SMC1A: variants seen among roughly 807,000 people sequenced by gnomAD.
The protein encoded by SMC1A is structural maintenance of chromosomes 1A.
A neutral mutation model predicts 94.5 loss-of-function variants in SMC1A; 4 were observed. The ratio of observed to expected loss-of-function variants is 0.04; its 90% CI spans 0.02 to 0.10. The LOEUF is 0.10. SMC1A is among the 10% of genes least tolerant of loss of function. The pLI is 1.00. For synonymous variants in SMC1A, 345 were observed against 347.7 expected (o/e 0.99, Z 0.09); for missense variants, 304 against 989.0 (o/e 0.31, Z 9.29).
At chrX:53,411,736 C>T in intron 7 of SMC1A, 25 bp downstream of exon 7, 1 of 1,205,090 alleles carries the variant, frequency 8.3e-7, no homozygotes, top group East Asian at 3.0e-5. Flanking sequence ...GGACCATCAT[C>T]CCTAATCTTA....
Position 53,405,963 on chromosome X carries a change from A to G in SMC1A, c.1546-7T>C. ...GGTCAATGAGGCGGCCGTACTGAGTAAAGTAGGAAGGGAAAACTGAAGTAT... is the reference window on the plus strand; with the variant it reads ...GGTCAATGAGGCGGCCGTACTGAGTGAAGTAGGAAGGGAAAACTGAAGTAT... On this transcript the variant is annotated splice_polypyrimidine_tract_variant and splice_region_variant and intron_variant, in intron 9 of 24. Transcript: ENST00000322213. 3 of 1,207,833 alleles carry G rather than the reference A, an allele frequency of 2.5e-6. No homozygotes were observed. In the East Asian group the frequency reaches 8.9e-5, roughly 36 times the overall value.
intron 15 of SMC1A, 32 bp from the exon 16 acceptor site, chrX:53,399,762 T>C: frequency 8.4e-7 from 1 of 1,186,438 alleles, no homozygotes; most frequent in Non-Finnish European, 1.1e-6. Flanking sequence ...GAATCACTCA[T>C]AATCTCATCA....
chrX:53,388,272 C>G (rs1427945484), intron 19 of SMC1A, among the ~76,000 whole-genome samples: 1 of 111,254 alleles, frequency 9.0e-6, no homozygotes, highest in Non-Finnish European at 1.9e-5. Flanking sequence ...ATCCGGTTGC[C>G]AGTAGCCACA....
intron 8 of SMC1A, 21 bp downstream of exon 8, chrX:53,409,400 G>A (rs1418099729): frequency 3.0e-5 from 35 of 1,175,565 alleles, no homozygotes; most frequent in Non-Finnish European, 3.6e-5. Context: ...AAGTAAGGGG[G>A]ACAGATGCAG....
In SMC1A at chrX:53,411,869, G is replaced by C; in HGVS notation, c.1146C>G (p.Ala382=). Residue 382 remains alanine, a synonymous_variant, in exon 7 of 25, where the codon GCC becomes GCG. Transcript: ENST00000322213. ...GGGCCAGGGTAGCTGCTCTCTTGCT[G>C]GCTTCTTCTTTCAACCGGTGGTATT... ...VKKYHRLKEE[A]SKRAATLAQE... is the part of the protein sequence containing the mutation. 1 of 1,211,523 alleles carries C rather than the reference G, an allele frequency of 8.3e-7. No individual in the cohort carries two copies. Among genetic ancestry groups the C allele is most frequent in the South Asian group, 1.8e-5 (1 of 56,972 alleles).
chrX:53,421,558 T>C (rs1282540447), intron 1 of SMC1A, among the ~76,000 whole-genome samples: 1 of 111,704 alleles, frequency 9.0e-6, no homozygotes, highest in Non-Finnish European at 1.9e-5. Context: ...ATCCACGGTG[T>C]ATCGTTTAGA....
chrX:53,380,965 C>T, intron 23 of SMC1A, 53 bp downstream of exon 23: 1 of 1,077,082 alleles, frequency 9.3e-7, no homozygotes, highest in Non-Finnish European at 1.3e-6. Context: ...CTCCCTGAAA[C>T]CCAACCCCGA....
rs782064451 is a variant in SMC1A, at chrX:53,421,880, G to A, written c.109+612C>T. The stretch of plus-strand genomic sequence containing the variant: ...GGTTTCGGTGGTAGGAAAAGGGCGA[G>A]TTCGAGGCAACTACCTCTGACATAG... On this transcript the variant is annotated intron_variant, in intron 1 of 24. Transcript: ENST00000322213. 25 of 1,154,350 alleles carry A rather than the reference G, an allele frequency of 2.2e-5. No homozygotes were observed. The South Asian group carries it at 4.3e-4, about 20-fold the overall frequency.
intron 9 of SMC1A, among the ~76,000 whole-genome samples, chrX:53,408,286 G>T (rs1253855304): frequency 1.8e-5 from 2 of 111,726 alleles, no homozygotes; most frequent in African/African-American, 6.5e-5. Flanking sequence ...AGCCGAGGTT[G>T]TGCCACTGCA....
At position 53,405,598 on chromosome X, in the gene SMC1A, T is replaced by A; in HGVS notation, c.1806A>T (p.Pro602=). ...ACTGCAGGGCCTTTTTGATATGAGGTGGCTCATAGCGAATCACATCAATCA... is the reference window on the plus strand; with the variant it reads ...ACTGCAGGGCCTTTTTGATATGAGGAGGCTCATAGCGAATCACATCAATCA... The part of the protein sequence containing the change: ...KLVIDVIRYE[P]PHIKKALQYA... The change falls in exon 11 of 25, where the codon CCA becomes CCT. Residue 602 remains proline, a synonymous_variant. Transcript: ENST00000322213. 1 of 1,210,930 alleles carries A rather than the reference T, an allele frequency of 8.3e-7. No individual in the cohort carries two copies. Among genetic ancestry groups the A allele is most frequent in the African/African-American group, 1.7e-5 (1 of 57,769 alleles).
intron 19 of SMC1A, among the ~76,000 whole-genome samples, chrX:53,390,449 C>G (rs1334242389): frequency 9.3e-6 from 1 of 107,167 alleles, no homozygotes; most frequent in African/African-American, 3.4e-5. Context: ...GCTTGTGCCA[C>G]TGCACACCAG....
intron 19 of SMC1A, among the ~76,000 whole-genome samples, chrX:53,392,206 C>T (rs781997736): frequency 5.4e-4 from 59 of 109,467 alleles, no homozygotes; most frequent in African/African-American, 8.6e-4. Context: ...CTGAATAACA[C>T]GGTGAAACCC....
Position 53,374,673 on chromosome X carries a change from C to T in SMC1A, c.*5430G>A, listed in dbSNP as rs1361512283. The T allele has an allele frequency of 1.8e-5, 2 of 112,158 alleles. No homozygotes were observed. Among genetic ancestry groups the T allele is most frequent in the African/African-American group, 6.5e-5 (2 of 30,703 alleles). 9.2% of individuals were successfully genotyped at this position (112,158 alleles called of 1,213,427 possible). A position where few individuals can be genotyped will look rare whatever the true frequency, so the allele number is the denominator to read the frequency against. Reference sequence around the variant, plus strand: ...GTTTTGTCTCACGGTTTCTGTTCCTCGTGGCTCCTATTGCTTCATGGCTTC... The same window carrying T: ...GTTTTGTCTCACGGTTTCTGTTCCTTGTGGCTCCTATTGCTTCATGGCTTC... On this transcript the variant is annotated 3_prime_UTR_variant, in exon 25 of 25. Transcript: ENST00000322213.
Position 53,405,084 on chromosome X carries a change from C to T in SMC1A, c.2124G>A (p.Leu708=), listed in dbSNP as rs1309209851. 3.3e-6 allele frequency: 4 copies of T among 1,206,333 alleles called. No individual in the cohort carries two copies. Among genetic ancestry groups the T allele is most frequent in the Non-Finnish European group, 4.5e-6 (4 of 893,183 alleles). ...LRQVQSQAHG[L]QMRLKYSQSD... Reference sequence around the variant, plus strand: ...TCTGGGAGTACTTGAGCCGCATCTGCAGTCCATGGGCCTGAGACTGCACCT... The same window carrying T: ...TCTGGGAGTACTTGAGCCGCATCTGTAGTCCATGGGCCTGAGACTGCACCT... Residue 708 remains leucine, a synonymous_variant, in exon 13 of 25, where the codon CTG becomes CTA. Coordinates refer to ENST00000322213, the MANE Select transcript of SMC1A (RefSeq NM_006306.4).
At chrX:53,392,071 A>G (rs1224690995) in intron 19 of SMC1A, among the ~76,000 whole-genome samples, 2 of 111,314 alleles carry the variant, frequency 1.8e-5, no homozygotes, top group Non-Finnish European at 3.8e-5. Flanking sequence ...AAAAATAGTA[A>G]TACCACTATT....
Position 53,399,646 on chromosome X carries a change from T to C in SMC1A, c.2505A>G (p.Val835=), listed in dbSNP as rs782491758. The part of the protein sequence containing the change: ...KNQLKEDQDK[V]HMWEQTVKKD... Reference sequence around the variant, plus strand: ...TTTTCACTGTCTGCTCCCACATGTGTACTTTATCTTGGTCCTCCTTCAGTT... The same window carrying C: ...TTTTCACTGTCTGCTCCCACATGTGCACTTTATCTTGGTCCTCCTTCAGTT... The change falls in exon 16 of 25, where the codon GTA becomes GTG. Residue 835 remains valine, a synonymous_variant. Coordinates refer to ENST00000322213, the MANE Select transcript of SMC1A (RefSeq NM_006306.4). The C allele has an allele frequency of 1.7e-6, 2 of 1,206,666 alleles. No individual in the cohort carries two copies. The highest frequency in any genetic ancestry group is 4.3e-5 in the Admixed American group (2 of 46,022).
chrX:53,386,459 C>G (rs1390672658), intron 19 of SMC1A, among the ~76,000 whole-genome samples: 1 of 111,940 alleles, frequency 8.9e-6, no homozygotes, highest in African/African-American at 3.2e-5. Flanking sequence ...CCTAATTATT[C>G]ATTTTCTTAG....
chrX:53,380,248 T>G, intron 24 of SMC1A, 62 bp from the exon 25 acceptor site: 477 of 735,259 alleles, frequency 6.5e-4, no homozygotes, highest in Non-Finnish European at 9.1e-4. Flanking sequence ...AGGGGTCTAG[T>G]GCCCCAGGAC....
At chrX:53,388,503 C>T (rs1195154523) in intron 19 of SMC1A, among the ~76,000 whole-genome samples, 1 of 107,718 alleles carries the variant, frequency 9.3e-6, no homozygotes, top group Non-Finnish European at 1.9e-5. Flanking sequence ...GAAATTTTAG[C>T]ATCTGAATTG....
Sources: gnomAD v4.1 joint callset for allele counts (sites outside exome capture counted in the v4.1 genomes callset) on GRCh38, gnomAD v4.1.1 for gene constraint, MANE v1.5 for transcripts, NCBI Gene and HGNC (gene_info 2026-07-23, HGNC 2026-07-21) for gene names.